Variants in SCMH1 observed in about 807,000 individuals in gnomAD.
The protein encoded by SCMH1 is Scm polycomb group protein homolog 1, also known as polycomb protein SCMH1.
A neutral mutation model predicts 70.8 loss-of-function variants in SCMH1; 37 were observed. That is an observed-to-expected ratio of 0.52 (90% CI 0.40 to 0.69). The LOEUF is 0.69. Ranked by LOEUF, SCMH1 falls within the 30% of genes least tolerant of loss-of-function variation. SCMH1 has a pLI of 0.00. For missense variants in SCMH1, 607 were observed against 827.3 expected, an observed-to-expected ratio of 0.73 and a Z score of 3.27; for synonymous variants, 292 against 307.4, an observed-to-expected ratio of 0.95 and a Z score of 0.52.
chr1:41,124,032 A>G (rs966076870), intron 6 of SCMH1, among the ~76,000 whole-genome samples: 2 of 152,286 alleles, frequency 1.3e-5, no homozygotes, highest in South Asian at 2.1e-4. Flanking sequence ...ACACACAAAC[A>G]TATGTACAAT....
intron 1 of SCMH1, among the ~76,000 whole-genome samples, chr1:41,207,912 C>A (rs6678626): frequency 0.51 from 68,531 of 135,442 alleles, 17,979 homozygotes; most frequent in African/African-American, 0.74. Flanking sequence ...TTGACCCAGC[C>A]ATCCCATTAC....
intron 1 of SCMH1, among the ~76,000 whole-genome samples, chr1:41,227,828 ATT>A (rs1196511175): frequency 6.6e-6 from 1 of 152,074 alleles, no homozygotes; most frequent in Non-Finnish European, 1.5e-5. Context: ...AATACAAAAA[ATT>A]CGCCAGGCAT....
At chr1:41,052,800 G>A (rs1220235728) in intron 10 of SCMH1, among the ~76,000 whole-genome samples, 1 of 152,136 alleles carries the variant, frequency 6.6e-6, no homozygotes, top group Non-Finnish European at 1.5e-5. Flanking sequence ...CAGCATAAAG[G>A]TGGAAGTGGA....
In SCMH1 at chr1:41,182,067, G is replaced by A. The variant is rs931946292; in HGVS notation, c.13+4054C>T. On this transcript the variant is annotated intron_variant, in intron 2 of 14. Transcript: ENST00000337495. Reference sequence around the variant, plus strand: ...CTTTGTAGGGACATGGATGAAGCTGGAAACCATCATCCTCAACAAACTATC... The same window carrying A: ...CTTTGTAGGGACATGGATGAAGCTGAAAACCATCATCCTCAACAAACTATC... Among the ~76,000 whole-genome samples, 38 of 152,134 alleles carry A rather than the reference G, an allele frequency of 2.5e-4. 1 individual carries two copies. Among genetic ancestry groups the A allele is most frequent in the African/African-American group, 9.2e-4 (38 of 41,412 alleles).
intron 12 of SCMH1, 41 bp from the exon 13 acceptor site, chr1:41,037,582 G>A (rs1257235886): frequency 1.3e-6 from 2 of 1,575,850 alleles, no homozygotes; most frequent in South Asian, 1.1e-5. Context: ...TAGAAGGACT[G>A]CCAGAGTGCT....
intron 1 of SCMH1, among the ~76,000 whole-genome samples, chr1:41,231,933 A>T (rs1225027448): frequency 6.6e-6 from 1 of 151,878 alleles, no homozygotes; most frequent in Non-Finnish European, 1.5e-5. Context: ...GAGGCAGGAG[A>T]ATCGCTTGAA....
chr1:41,037,560 A>C lies in SCMH1; in HGVS notation c.1499-19T>G. 1 of 1,611,094 alleles carries C rather than the reference A, an allele frequency of 6.2e-7. No individual in the cohort carries two copies. Among genetic ancestry groups the C allele is most frequent in the East Asian group, 2.2e-5 (1 of 44,862 alleles). On this transcript the variant is annotated intron_variant, in intron 12 of 14. Coordinates refer to ENST00000337495, the Ensembl canonical transcript of SCMH1. ...GTTTCACCTGAAAAACAGTAAAACC[A>C]GAGTTAGAGCTTAGAAGGACTGCCA...
At chr1:41,140,866 A>G (rs1643999726) in intron 6 of SCMH1, among the ~76,000 whole-genome samples, 1 of 152,236 alleles carries the variant, frequency 6.6e-6, no homozygotes, top group Non-Finnish European at 1.5e-5. Context: ...AGACAACTTG[A>G]CAAGTTTCCT....
chr1:41,228,140 G>A (rs1345408966), intron 1 of SCMH1, among the ~76,000 whole-genome samples: 1 of 152,188 alleles, frequency 6.6e-6, no homozygotes, highest in Non-Finnish European at 1.5e-5. Flanking sequence ...GCTGGAGGGG[G>A]CTATGAGGAC....
intron 2 of SCMH1, among the ~76,000 whole-genome samples, chr1:41,183,270 T>TC (rs1464729020): frequency 6.6e-6 from 1 of 152,174 alleles, no homozygotes; most frequent in African/African-American, 2.4e-5. Context: ...ATTCCTTTGT[T>TC]CTCACTGCCT....
chr1:41,174,635 A>G (rs1646995405), intron 2 of SCMH1, among the ~76,000 whole-genome samples: 1 of 152,214 alleles, frequency 6.6e-6, no homozygotes, highest in South Asian at 2.1e-4. Flanking sequence ...AAATACCAGC[A>G]ATAACCATGT....
chr1:41,216,034 C>T (rs1657999712), intron 1 of SCMH1, among the ~76,000 whole-genome samples: 2 of 152,234 alleles, frequency 1.3e-5, no homozygotes, highest in Admixed American at 6.5e-5. Context: ...TGTTAGCATT[C>T]TGTGCCCCAG....
chr1:41,231,838 T>G (rs776101973), intron 1 of SCMH1, among the ~76,000 whole-genome samples: 2 of 151,882 alleles, frequency 1.3e-5, no homozygotes, highest in Non-Finnish European at 2.9e-5. Flanking sequence ...CCGGCCAACA[T>G]AGCGAAACTC....
At chr1:41,137,031 T>C (rs1394002093) in intron 6 of SCMH1, among the ~76,000 whole-genome samples, 1 of 152,132 alleles carries the variant, frequency 6.6e-6, no homozygotes, top group Non-Finnish European at 1.5e-5. Context: ...TCCTCTTGCC[T>C]TGGCCACGCA....
chr1:41,229,483 C>A (rs1179838637), intron 1 of SCMH1, among the ~76,000 whole-genome samples: 2 of 152,146 alleles, frequency 1.3e-5, no homozygotes. Context: ...AGCAAACTAT[C>A]ACAAGGACAG....
chr1:41,097,421 A>G (rs924996697), intron 8 of SCMH1, among the ~76,000 whole-genome samples: 12 of 152,198 alleles, frequency 7.9e-5, no homozygotes, highest in Non-Finnish European at 1.8e-4. Flanking sequence ...ATGCGGCTCA[A>G]AAAAGAATGT....
At chr1:41,178,787 G>A (rs1647779569) in intron 2 of SCMH1, among the ~76,000 whole-genome samples, 1 of 152,140 alleles carries the variant, frequency 6.6e-6, no homozygotes, top group African/African-American at 2.4e-5. Context: ...ATAATAATGG[G>A]AGACTTTAAC....
At chr1:41,217,181 AAT>A (rs761466867) in intron 1 of SCMH1, among the ~76,000 whole-genome samples, 2 of 152,204 alleles carry the variant, frequency 1.3e-5, no homozygotes, top group African/African-American at 2.4e-5. Context: ...GGAAATGATC[AAT>A]ATGTTATTGG....
intron 1 of SCMH1, among the ~76,000 whole-genome samples, chr1:41,195,096 A>C (rs1652687531): frequency 7.8e-6 from 1 of 127,558 alleles, no homozygotes; most frequent in Non-Finnish European, 1.6e-5. Flanking sequence ...ATACCATTGC[A>C]CTCTAGCCCA....
Sources: gnomAD v4.1 joint callset for allele counts (sites outside exome capture counted in the v4.1 genomes callset) on GRCh38, gnomAD v4.1.1 for gene constraint, MANE v1.5 for transcripts, NCBI Gene and HGNC (gene_info 2026-07-23, HGNC 2026-07-21) for gene names.